Variants in FBXL13 observed in about 807,000 individuals in gnomAD.
FBXL13 encodes the protein F-box and leucine rich repeat protein 13, also known as F-box and leucine-rich repeat protein 13.
FBXL13 carries 67 observed loss-of-function variants against 83.6 expected under a neutral mutation model. The observed-to-expected ratio is 0.80, with a 90% CI of 0.66 to 0.98. The LOEUF (loss-of-function observed/expected upper bound fraction) is 0.98. Among genes scored for constraint, FBXL13 ranks in the 50% least tolerant of loss-of-function variants. The probability of loss-of-function intolerance (pLI) is 0.00; values close to 1 mark genes in which losing one functional copy is unlikely to be tolerated. For missense variants in FBXL13, 822 were observed against 866.5 expected (o/e 0.95, Z 0.64); for synonymous variants, 272 against 299.5 (o/e 0.91, Z 0.95).
intron 2 of FBXL13, among the ~76,000 whole-genome samples, chr7:103,048,843 T>C (rs964986569): frequency 5.9e-5 from 9 of 152,076 alleles, no homozygotes; most frequent in African/African-American, 2.2e-4. Flanking sequence ...CTTTAACCCA[T>C]TAAACTAGGT....
chr7:103,021,067 ACCT>A (rs1563230027), intron 6 of FBXL13, among the ~76,000 whole-genome samples: 2 of 152,182 alleles, frequency 1.3e-5, no homozygotes, highest in African/African-American at 2.4e-5. Context: ...GCATCATGCT[ACCT>A]GACTTCAAAC....
chr7:102,975,104 C>T (rs1827268351), intron 6 of FBXL13, among the ~76,000 whole-genome samples: 1 of 152,182 alleles, frequency 6.6e-6, no homozygotes, highest in Non-Finnish European at 1.5e-5. Flanking sequence ...CCCACCCATA[C>T]TCGCTCAGGC....
intron 2 of FBXL13, among the ~76,000 whole-genome samples, chr7:103,035,422 C>G (rs994071306): frequency 5.9e-5 from 9 of 152,158 alleles, no homozygotes; most frequent in Non-Finnish European, 1.3e-4. Flanking sequence ...CACTGCTCTA[C>G]TAATATCCCA....
At chr7:102,984,799 C>T (rs965507464) in intron 6 of FBXL13, among the ~76,000 whole-genome samples, 5 of 152,130 alleles carry the variant, frequency 3.3e-5, no homozygotes, top group African/African-American at 7.2e-5. Flanking sequence ...AATCTAACTG[C>T]ATACCATTTT....
chr7:102,909,501 C>T (rs1305946545), intron 11 of FBXL13, among the ~76,000 whole-genome samples: 3 of 151,988 alleles, frequency 2.0e-5, no homozygotes, highest in African/African-American at 7.3e-5. Flanking sequence ...CTGAGTCTCA[C>T]CTGAAGCCTG....
At chr7:102,938,467 G>A (rs1585040598) in intron 8 of FBXL13, among the ~76,000 whole-genome samples, 1 of 152,288 alleles carries the variant, frequency 6.6e-6, no homozygotes, top group East Asian at 1.9e-4. Flanking sequence ...AAATTACCTG[G>A]AGAAATTTCC....
intron 2 of FBXL13, among the ~76,000 whole-genome samples, chr7:103,033,216 CAAGAATGGGGATGGGGTGGGG>C (rs1794700658): frequency 6.6e-6 from 1 of 151,900 alleles, no homozygotes; most frequent in Non-Finnish European, 1.5e-5. Context: ...GAAAGAAAGA[CAAGAATGGGGATGGGGTGGGG>C]AGCCACATGT....
At chr7:103,000,532 A>C (rs556479994) in intron 6 of FBXL13, among the ~76,000 whole-genome samples, 4 of 152,364 alleles carry the variant, frequency 2.6e-5, no homozygotes, top group African/African-American at 9.6e-5. Flanking sequence ...AGAATGCTTT[A>C]CATGCTAAAG....
intron 11 of FBXL13, among the ~76,000 whole-genome samples, chr7:102,912,682 C>A (rs867702524): frequency 0.023 from 3,020 of 132,856 alleles, 197 homozygotes; most frequent in African/African-American, 0.077. Flanking sequence ...CCCCCCCCCC[C>A]CCAAAAAAAA....
At chr7:102,944,526 C>T in intron 8 of FBXL13, 1 of 1,613,776 alleles carries the variant, frequency 6.2e-7, no homozygotes, top group Non-Finnish European at 8.5e-7. Flanking sequence ...TTGACCAAGA[C>T]ACAGAAGATG....
intron 17 of FBXL13, among the ~76,000 whole-genome samples, chr7:102,842,658 A>G (rs530370820): frequency 6.6e-6 from 1 of 152,362 alleles, no homozygotes; most frequent in East Asian, 1.9e-4. Flanking sequence ...AGGAATGTGT[A>G]GAACAGGCTG....
intron 6 of FBXL13, among the ~76,000 whole-genome samples, chr7:103,024,829 A>G (rs1007204933): frequency 7.8e-6 from 1 of 128,054 alleles, no homozygotes; most frequent in African/African-American, 3.0e-5. Flanking sequence ...ATGTATATAT[A>G]TGTGTATATA....
intron 16 of FBXL13, among the ~76,000 whole-genome samples, chr7:102,871,553 AT>A (rs1010581178): frequency 5.4e-5 from 8 of 148,530 alleles, no homozygotes; most frequent in East Asian, 4.0e-4. Flanking sequence ...GCCTGGCTAA[AT>A]TTTTTTTTTC....
chr7:103,014,870 G>A (rs1262101686), intron 6 of FBXL13, among the ~76,000 whole-genome samples: 1 of 138,490 alleles, frequency 7.2e-6, no homozygotes, highest in Non-Finnish European at 1.5e-5. Flanking sequence ...CCTGCAGTGA[G>A]CCGAGATCAC....
chr7:102,981,267 T>A (rs967972849), intron 6 of FBXL13, among the ~76,000 whole-genome samples: 7 of 152,254 alleles, frequency 4.6e-5, no homozygotes, highest in Non-Finnish European at 1.0e-4. Flanking sequence ...TTTAAAAGGG[T>A]CCATTTTAAT....
chr7:103,008,048 A>G (rs1375576857), intron 6 of FBXL13, among the ~76,000 whole-genome samples: 2 of 152,222 alleles, frequency 1.3e-5, no homozygotes, highest in African/African-American at 4.8e-5. Flanking sequence ...ATGGAGCCCA[A>G]GAAGAAGTCA....
chr7:102,902,325 G>A (rs1813069046), intron 11 of FBXL13, among the ~76,000 whole-genome samples: 1 of 152,068 alleles, frequency 6.6e-6, no homozygotes, highest in Non-Finnish European at 1.5e-5. Flanking sequence ...TATATATTTT[G>A]TTTTTTAATT....
chr7:103,046,299 T>C (rs1796270564), intron 2 of FBXL13, among the ~76,000 whole-genome samples: 1 of 152,246 alleles, frequency 6.6e-6, no homozygotes, highest in Non-Finnish European at 1.5e-5. Context: ...ACAAGAGAAT[T>C]TAAAGTCTGT....
chr7:102,822,044 A>G (rs1362551007), exon 19 of FBXL13: 1 of 1,614,180 alleles, frequency 6.2e-7, no homozygotes, highest in Non-Finnish European at 8.5e-7. Context: ...ACTTACTTGG[A>G]AATATTTGTG....
Sources: gnomAD v4.1 joint callset for allele counts (sites outside exome capture counted in the v4.1 genomes callset) on GRCh38, gnomAD v4.1.1 for gene constraint, MANE v1.5 for transcripts, NCBI Gene and HGNC (gene_info 2026-07-23, HGNC 2026-07-21) for gene names.